ADAM17: variants seen among roughly 807,000 people sequenced by gnomAD.
ADAM17 encodes disintegrin and metalloproteinase domain-containing protein 17.
Under a neutral mutation model 96.7 loss-of-function variants are expected in ADAM17, and 39 were observed. The ratio of observed to expected loss-of-function variants is 0.40; its 90% CI spans 0.31 to 0.53. The LOEUF (loss-of-function observed/expected upper bound fraction) is 0.53, where lower values mean the gene tolerates loss of function less well. Ranked by LOEUF, ADAM17 falls within the 20% of genes least tolerant of loss-of-function variation. The probability of loss-of-function intolerance (pLI) is 0.44; values close to 1 mark genes in which losing one functional copy is unlikely to be tolerated. For synonymous variants in ADAM17, 344 were observed against 359.2 expected (o/e 0.96, Z 0.48); for missense variants, 777 against 1,013.2 (o/e 0.77, Z 3.17).
intron 2 of ADAM17, 40 bp from the exon 3 acceptor site, chr2:9,536,868 A>C: frequency 6.3e-7 from 1 of 1,597,272 alleles, no homozygotes. Flanking sequence ...TAAGCACACA[A>C]ATTTTAAGTC....
intron 1 of ADAM17, among the ~76,000 whole-genome samples, chr2:9,548,667 T>A (rs889152773): frequency 2.0e-5 from 3 of 152,202 alleles, no homozygotes; most frequent in African/African-American, 7.2e-5. Context: ...CTCATTTACA[T>A]AGGACTTCCT....
chr2:9,502,085 T>C, intron 13 of ADAM17, 88 bp downstream of exon 13: 3 of 1,172,134 alleles, frequency 2.6e-6, no homozygotes, highest in East Asian at 4.8e-5. Context: ...ATAAGGTGTC[T>C]CTCATCTGAA....
At chr2:9,521,989 A>G (rs1664334331) in intron 7 of ADAM17, 2 of 153,472 alleles carry the variant, frequency 1.3e-5, no homozygotes. Flanking sequence ...GAAGCCCACC[A>G]TGATACACAT....
intron 6 of ADAM17, among the ~76,000 whole-genome samples, chr2:9,524,571 TATTCC>T (rs2125024640): frequency 6.6e-6 from 1 of 152,274 alleles, no homozygotes; most frequent in Non-Finnish European, 1.5e-5. Context: ...GGGTCAACTG[TATTCC>T]CTTCTAAAAA....
In ADAM17 at chr2:9,491,127, C is replaced by G. The variant is rs749976457; in HGVS notation, c.2107G>C (p.Glu703Gln). 6.2e-7 allele frequency: 1 copy of G among 1,613,048 alleles called. No homozygotes were observed. Among genetic ancestry groups the G allele is most frequent in the East Asian group, 2.2e-5 (1 of 44,860 alleles). The change falls in exon 18 of 19, where the codon GAA becomes CAA. Residue 703 changes from glutamate to glutamine, a missense_variant. Around this residue, in one of 3 missense-constraint regions of ADAM17, gnomAD observed 197 missense variants for 219.4 expected, o/e 0.90. Transcript: ENST00000310823. ...CVDKKLDKQY[E>Q]SLSLFHPSNV... Reference sequence around the variant, plus strand: ...CTGGGGTGAAACAGAGACAGAGATTCATACTGTTTATCCAATTTCTTATCC... The same window carrying G: ...CTGGGGTGAAACAGAGACAGAGATTGATACTGTTTATCCAATTTCTTATCC...
At chr2:9,555,119 C>T (rs1181158688) in intron 1 of ADAM17, among the ~76,000 whole-genome samples, 1 of 152,136 alleles carries the variant, frequency 6.6e-6, no homozygotes, top group Non-Finnish European at 1.5e-5. Flanking sequence ...TCCTTTCTGG[C>T]TCTGGTAGGA....
Position 9,489,823 on chromosome 2 carries a change from A to AC in ADAM17, c.*353dup, listed in dbSNP as rs1661960515. ...GGTTCATTACAGTGTATAAAAAAAA[A>AC]CTGATCATTTCCCTAGTCAGTGCTG... On this transcript the variant is annotated 3_prime_UTR_variant, in exon 19 of 19. Transcript: ENST00000310823. 1.2e-5 allele frequency: 2 copies of AC among 166,960 alleles called. No individual in the cohort carries two copies. The highest frequency in any genetic ancestry group is 2.4e-5 in the African/African-American group (1 of 41,862). The allele number at this position is 166,960 out of a possible 1,614,324, so 10.3% of individuals were successfully genotyped here. A position where few individuals can be genotyped will look rare whatever the true frequency, so the allele number is the denominator to read the frequency against.
At position 9,510,144 on chromosome 2, in the gene ADAM17, G is replaced by T; in HGVS notation, c.1192-13C>A. 6.2e-7 allele frequency: 1 copy of T among 1,613,740 alleles called. No homozygotes were observed. The highest frequency in any genetic ancestry group is 1.1e-5 in the South Asian group (1 of 91,052). Reference sequence around the variant, plus strand: ...CCAGGTCAGCTTCCTTAAGGATCATGCAAAGAAAACATTATTTCTCAATAT... The same window carrying T: ...CCAGGTCAGCTTCCTTAAGGATCATTCAAAGAAAACATTATTTCTCAATAT... On this transcript the variant is annotated splice_polypyrimidine_tract_variant and intron_variant, in intron 10 of 18. Transcript: ENST00000310823.
At chr2:9,530,278 T>G (rs1026946333) in intron 4 of ADAM17, among the ~76,000 whole-genome samples, 2 of 152,172 alleles carry the variant, frequency 1.3e-5, no homozygotes, top group African/African-American at 4.8e-5. Context: ...TTCACATTGA[T>G]TGTTTCCTAG....
rs1664284827 is a variant in ADAM17 at position 9,520,985 on chromosome 2, AAGG to A, written c.957+215_957+217del. Reference sequence around the variant, plus strand: ...GTCTCAAAAAAAAAAAAAAAAAAAAAAGGAAGCATTGCTTTATAGCGTTTTTCT... The same window carrying A: ...GTCTCAAAAAAAAAAAAAAAAAAAAAAAGCATTGCTTTATAGCGTTTTTCT... On this transcript the variant is annotated intron_variant, in intron 8 of 18. Transcript: ENST00000310823. Among the ~76,000 whole-genome samples the A allele has an allele frequency of 1.4e-5, 2 of 147,428 alleles. 1 individual carries two copies. Among genetic ancestry groups the A allele is most frequent in the Non-Finnish European group, 3.0e-5 (2 of 66,462 alleles).
intron 12 of ADAM17, 110 bp downstream of exon 12, chr2:9,505,056 C>T (rs778548495): frequency 7.4e-6 from 9 of 1,214,210 alleles, no homozygotes; most frequent in Non-Finnish European, 7.0e-6. Flanking sequence ...TAAACAAACA[C>T]ACTCACACCC....
chr2:9,525,979 C>A, intron 6 of ADAM17, 132 bp downstream of exon 6: 1 of 962,048 alleles, frequency 1.0e-6, no homozygotes. Context: ...ACATAAAAAC[C>A]TCAGAGAATA....
At chr2:9,490,841 T>TTAAC (rs1192049427) in intron 18 of ADAM17, among the ~76,000 whole-genome samples, 3 of 152,182 alleles carry the variant, frequency 2.0e-5, no homozygotes, top group African/African-American at 7.2e-5. Flanking sequence ...ACTCAAAATA[T>TTAAC]TAACTAAGTG....
intron 2 of ADAM17, 48 bp downstream of exon 2, chr2:9,543,105 A>G: frequency 6.6e-7 from 1 of 1,509,892 alleles, no homozygotes; most frequent in Non-Finnish European, 8.8e-7. Flanking sequence ...TTTTTGCCAA[A>G]CCAAGCCCCC....
At chr2:9,553,598 C>A (rs1489495272) in intron 1 of ADAM17, among the ~76,000 whole-genome samples, 2 of 149,614 alleles carry the variant, frequency 1.3e-5, no homozygotes, top group African/African-American at 4.9e-5. Context: ...TTGCTTGAAC[C>A]CGGGAGGCGG....
Position 9,490,363 on chromosome 2 carries a change from C to CTGGATGGTGTCCATTCTCTG in ADAM17, c.2269_2288dup (p.Gln763HisfsTer98). The CTGGATGGTGTCCATTCTCTG allele has an allele frequency of 6.2e-7, 1 of 1,614,142 alleles. No individual in the cohort carries two copies. Among genetic ancestry groups the CTGGATGGTGTCCATTCTCTG allele is most frequent in the Non-Finnish European group, 8.5e-7 (1 of 1,180,032 alleles). ...TATGTGAGTCTGTGCTGGGGTCTTC[C>CTGGATGGTGTCCATTCTCTG]TGGATGGTGTCCATTCTCTGGTGGT... On this transcript the variant is annotated frameshift_variant, in exon 19 of 19. Transcript: ENST00000310823. LOFTEE classifies it high-confidence loss of function.
intron 1 of ADAM17, 108 bp from the exon 2 acceptor site, chr2:9,543,393 G>A: frequency 1.0e-6 from 1 of 997,632 alleles, no homozygotes; most frequent in Non-Finnish European, 1.3e-6. Context: ...AATCCATTAG[G>A]AAGTGCCAAG....
intron 2 of ADAM17, among the ~76,000 whole-genome samples, chr2:9,537,595 G>A (rs1459558288): frequency 6.6e-6 from 1 of 151,918 alleles, no homozygotes; most frequent in Non-Finnish European, 1.5e-5. Flanking sequence ...AGCCAGGCAT[G>A]GTGGCGGGTG....
intron 17 of ADAM17, 90 bp downstream of exon 17, chr2:9,492,808 G>T: frequency 8.7e-7 from 1 of 1,150,504 alleles, no homozygotes; most frequent in Non-Finnish European, 1.2e-6. Context: ...ACTTTGCTAA[G>T]AACAAGTTTT....
Sources: allele counts gnomAD v4.1 joint callset (sites outside exome capture counted in the v4.1 genomes callset), GRCh38; gene constraint gnomAD v4.1.1; regional missense constraint gnomAD v4.1.1; transcripts MANE v1.5; gene names NCBI Gene and HGNC (gene_info 2026-07-23, HGNC 2026-07-21).